Variants in SIRPG observed in about 807,000 individuals in gnomAD.
SIRPG encodes the protein signal regulatory protein gamma.
A neutral mutation model predicts 35.7 loss-of-function variants in SIRPG; 38 were observed. The observed-to-expected ratio is 1.06, with a 90% CI of 0.82 to 1.40. The LOEUF (loss-of-function observed/expected upper bound fraction) is 1.40, where lower values mean the gene tolerates loss of function less well. Among genes scored for constraint, SIRPG ranks in the 40% most tolerant of loss-of-function variants. The probability of loss-of-function intolerance (pLI) is 0.00; values close to 1 mark genes in which losing one functional copy is unlikely to be tolerated. For missense variants in SIRPG, 519 were observed against 483.0 expected (o/e 1.07, Z -0.70); for synonymous variants, 215 against 190.4 (o/e 1.13, Z -1.06).
At chr20:1,632,148 C>A (rs535528866) in intron 4 of SIRPG, among the ~76,000 whole-genome samples, 1 of 152,272 alleles carries the variant, frequency 6.6e-6, no homozygotes, top group African/African-American at 2.4e-5. Flanking sequence ...TGGGTCAAAG[C>A]ACTCAAAGAT....
intron 5 of SIRPG, 101 bp downstream of exon 5, chr20:1,630,121 C>G: frequency 1.1e-6 from 1 of 923,054 alleles, no homozygotes; most frequent in Non-Finnish European, 1.7e-6. Flanking sequence ...GGGAGCTTAA[C>G]TCCACGGACC....
intron 2 of SIRPG, among the ~76,000 whole-genome samples, chr20:1,641,070 C>CT (rs1159724726): frequency 6.6e-6 from 1 of 152,088 alleles, no homozygotes; most frequent in East Asian, 1.9e-4. Flanking sequence ...CTGATGTTTT[C>CT]TTTTTTTGTT....
intron 2 of SIRPG, among the ~76,000 whole-genome samples, chr20:1,640,555 C>A (rs2091844284): frequency 6.6e-6 from 1 of 152,160 alleles, no homozygotes; most frequent in Non-Finnish European, 1.5e-5. Flanking sequence ...CATCTGCAAA[C>A]AAAGACAATT....
In SIRPG at chr20:1,645,820, A is replaced by G. The variant is rs375511834; in HGVS notation, c.430+3232T>C. Among the ~76,000 whole-genome samples, 194 of 152,244 alleles carry G rather than the reference A, an allele frequency of 1.3e-3. 1 individual carries two copies. Among genetic ancestry groups the G allele is most frequent in the African/African-American group, 4.5e-3 (186 of 41,550 alleles). ...CAGTGATAAACCAAACACCTCCACC[A>G]TTAGAGGCTCTGTGCACATCCTCTC... On this transcript the variant is annotated intron_variant, in intron 2 of 5. Coordinates refer to ENST00000303415, the MANE Select transcript of SIRPG (RefSeq NM_018556.4).
At chr20:1,649,918 A>G (rs1204148350) in intron 1 of SIRPG, among the ~76,000 whole-genome samples, 1 of 148,724 alleles carries the variant, frequency 6.7e-6, no homozygotes, top group Non-Finnish European at 1.5e-5. Flanking sequence ...GGTGAGAACC[A>G]TCAAGCCCAG....
chr20:1,650,004 G>A (rs6110783), intron 1 of SIRPG, among the ~76,000 whole-genome samples: 42,733 of 92,856 alleles, frequency 0.46, 10,354 homozygotes, highest in East Asian at 0.81. Context: ...TTTGAAGTGT[G>A]TATATATATA....
intron 1 of SIRPG, among the ~76,000 whole-genome samples, chr20:1,652,934 T>C (rs1195478147): frequency 6.6e-6 from 1 of 152,242 alleles, no homozygotes; most frequent in African/African-American, 2.4e-5. Context: ...TGTGTAATGT[T>C]TGAATTGCTC....
the SIRPG span, chr20:1,670,179 A>C: frequency 3.9e-6 from 1 of 259,544 alleles, no homozygotes; most frequent in Admixed American, 4.0e-5. Context: ...TTCACCTGGC[A>C]GGTGACGTTC....
Position 1,636,178 on chromosome 20 carries a change from G to A in SIRPG, c.748+10C>T, listed in dbSNP as rs548100703. The stretch of plus-strand genomic sequence containing the variant: ...GGTGTGGGCTTGGGCTGGGTGTGAG[G>A]GTCCTCTACCTCGGATGGCCTCAGA... On this transcript the variant is annotated intron_variant, in intron 3 of 5. Transcript: ENST00000303415. The A allele has an allele frequency of 1.2e-6, 2 of 1,613,600 alleles. No homozygotes were observed. The highest frequency in any genetic ancestry group is 1.7e-5 in the Admixed American group (1 of 59,928).
Position 1,657,617 on chromosome 20 carries a change from G to C in SIRPG, c.73+25C>G, listed in dbSNP as rs771411712. On this transcript the variant is annotated intron_variant, in intron 1 of 5. Transcript: ENST00000303415. ...CTAGGTCCAGGAAGCAGGGAGAAAG[G>C]GTTCTAGCCCAATGCAATGCTCACC... 7.4e-6 allele frequency: 12 copies of C among 1,612,140 alleles called. No homozygotes were observed. In the South Asian group the frequency reaches 1.2e-4, roughly 16 times the overall value.
At chr20:1,648,599 G>T (rs1183444459) in intron 2 of SIRPG, 1 of 152,238 alleles carries the variant, frequency 6.6e-6, no homozygotes, top group Non-Finnish European at 1.5e-5. Context: ...GCACACAGTG[G>T]GTTCTCAGTG....
chr20:1,644,230 C>T (rs891735617), intron 2 of SIRPG, among the ~76,000 whole-genome samples: 6 of 152,158 alleles, frequency 3.9e-5, no homozygotes, highest in African/African-American at 1.4e-4. Flanking sequence ...GGCTCAGGCC[C>T]AGGGAGATCA....
intron 2 of SIRPG, among the ~76,000 whole-genome samples, chr20:1,642,334 G>C (rs569713998): frequency 3.3e-5 from 5 of 152,244 alleles, no homozygotes; most frequent in Non-Finnish European, 7.4e-5. Context: ...GCCCTTCTTT[G>C]TCTTTTTTGA....
chr20:1,644,014 C>A (rs1056358214), intron 2 of SIRPG, among the ~76,000 whole-genome samples: 1 of 152,100 alleles, frequency 6.6e-6, no homozygotes, highest in African/African-American at 2.4e-5. Context: ...GTAGGGTGTC[C>A]GACAACCCCT....
chr20:1,630,142 AT>A, intron 5 of SIRPG, 79 bp downstream of exon 5: 1 of 1,090,602 alleles, frequency 9.2e-7, no homozygotes, highest in South Asian at 1.3e-5. Context: ...CTGGTGCTGC[AT>A]GGCATGTGGG....
intron 2 of SIRPG, among the ~76,000 whole-genome samples, chr20:1,644,068 C>G (rs1370652351): frequency 6.6e-6 from 1 of 152,194 alleles, no homozygotes. Flanking sequence ...GAGCAGGACC[C>G]ATTTAACGAA....
At chr20:1,634,782 G>C (rs554154608) in intron 4 of SIRPG, among the ~76,000 whole-genome samples, 2 of 151,858 alleles carry the variant, frequency 1.3e-5, no homozygotes, top group African/African-American at 2.4e-5. Flanking sequence ...GGTGGCTCAC[G>C]CCTGTAATCC....
At chr20:1,683,686 TCA>T in the SIRPG span, among the ~76,000 whole-genome samples, 1 of 152,100 alleles carries the variant, frequency 6.6e-6, no homozygotes, top group African/African-American at 2.4e-5. Context: ...AAAGTTGAAC[TCA>T]CACAAGTAGA....
intron 1 of SIRPG, among the ~76,000 whole-genome samples, chr20:1,655,183 T>G (rs1292004843): frequency 6.6e-6 from 1 of 152,160 alleles, no homozygotes; most frequent in African/African-American, 2.4e-5. Flanking sequence ...CTGGCATATA[T>G]CCAAAGGAAA....
Sources: gnomAD v4.1 joint callset for allele counts (sites outside exome capture counted in the v4.1 genomes callset) on GRCh38, gnomAD v4.1.1 for gene constraint, MANE v1.5 for transcripts, NCBI Gene and HGNC (gene_info 2026-07-23, HGNC 2026-07-21) for gene names.